CUX1: variants seen among roughly 807,000 people sequenced by gnomAD.
The protein encoded by CUX1 is cut like homeobox 1, also known as protein CASP.
Under a neutral mutation model 158.8 loss-of-function variants are expected in CUX1, and 31 were observed. That is an observed-to-expected ratio of 0.20 (90% CI 0.15 to 0.26). The LOEUF is 0.26. Ranked by LOEUF, CUX1 falls within the 10% of genes least tolerant of loss-of-function variation. The pLI is 1.00. For synonymous variants in CUX1, 879 were observed against 862.1 expected (o/e 1.02, Z -0.34); for missense variants, 1,589 against 2,014.6 (o/e 0.79, Z 4.04).
intron 23 of CUX1, 148 bp downstream of exon 23, chr7:102,239,732 G>GT: frequency 1.2e-6 from 1 of 838,438 alleles, no homozygotes; most frequent in African/African-American, 1.8e-5. Context: ...GGTCCCTTAG[G>GT]GTTTTTTTTT....
At chr7:102,244,818 C>T (rs534532804) in intron 23 of CUX1, among the ~76,000 whole-genome samples, 91 of 152,202 alleles carry the variant, frequency 6.0e-4, no homozygotes, top group Non-Finnish European at 1.1e-3. Context: ...AACTCAGATT[C>T]TGAACCCTCG....
chr7:102,011,596 G>A (rs1431643007), intron 2 of CUX1, among the ~76,000 whole-genome samples: 1 of 151,910 alleles, frequency 6.6e-6, no homozygotes, highest in East Asian at 1.9e-4. Context: ...GGCCAGGCTG[G>A]TCTTGAACTC....
intron 2 of CUX1, among the ~76,000 whole-genome samples, chr7:101,993,988 C>T (rs13229969): frequency 0.028 from 4,304 of 152,304 alleles, 84 homozygotes; most frequent in Non-Finnish European, 0.035. Context: ...ATGCTGCAGA[C>T]GTAGCACTCC....
intron 2 of CUX1, among the ~76,000 whole-genome samples, chr7:101,994,188 A>C (rs891326671): frequency 7.2e-5 from 11 of 152,186 alleles, no homozygotes; most frequent in African/African-American, 2.7e-4. Flanking sequence ...AGCTTCTGTC[A>C]TTCTCTCCCC....
chr7:101,888,089 T>C (rs542018875), intron 1 of CUX1, among the ~76,000 whole-genome samples: 2 of 152,136 alleles, frequency 1.3e-5, no homozygotes, highest in East Asian at 3.9e-4. Context: ...ATCTCAGCAC[T>C]TTGTGAGGCT....
intron 2 of CUX1, among the ~76,000 whole-genome samples, chr7:101,965,755 A>C (rs1009625421): frequency 1.4e-5 from 2 of 146,762 alleles, no homozygotes; most frequent in African/African-American, 5.0e-5. Context: ...AGGCTGAGGC[A>C]GGAGAATGGC....
chr7:102,125,958 AGCTGGAATTATAG>A (rs1343137302), intron 8 of CUX1, among the ~76,000 whole-genome samples: 1 of 151,930 alleles, frequency 6.6e-6, no homozygotes, highest in African/African-American at 2.4e-5. Context: ...CCACCCAAGT[AGCTGGAATTATAG>A]GCTGTTTCCT....
intron 2 of CUX1, among the ~76,000 whole-genome samples, chr7:101,985,858 G>C (rs1305320396): frequency 1.3e-5 from 2 of 152,232 alleles, no homozygotes; most frequent in Non-Finnish European, 2.9e-5. Context: ...TTGTTTTTCA[G>C]AGGGAGTTCC....
intron 2 of CUX1, among the ~76,000 whole-genome samples, chr7:102,010,414 A>G (rs1168308709): frequency 1.3e-5 from 2 of 151,880 alleles, no homozygotes; most frequent in Admixed American, 6.6e-5. Context: ...AAAAAAAAAA[A>G]AAACTGACTT....
Position 102,257,239 on chromosome 7 carries a change from C to A in CUX1, c.*8197C>A. On this transcript the variant is annotated 3_prime_UTR_variant, in exon 24 of 24. Coordinates refer to ENST00000292535, the MANE Select transcript of CUX1 (RefSeq NM_181552.4). ...TCCCCTTCTCCAAGATTGCCGGGGG[C>A]CCTGATTTTGTTCTCTCTTTGAAAG... The A allele has an allele frequency of 2.0e-6, 2 of 985,328 alleles. No homozygotes were observed. Among genetic ancestry groups the A allele is most frequent in the Non-Finnish European group, 2.4e-6 (2 of 829,908 alleles). The allele number at this position is 985,328 out of a possible 1,614,324, so 61.0% of individuals were successfully genotyped here. A position where few individuals can be genotyped will look rare whatever the true frequency, so the allele number is the denominator to read the frequency against.
At chr7:102,088,001 CTT>C (rs147066918) in intron 4 of CUX1, among the ~76,000 whole-genome samples, 34 of 143,822 alleles carry the variant, frequency 2.4e-4, no homozygotes, top group Admixed American at 2.8e-4. Flanking sequence ...TAATCTCACC[CTT>C]TTTTTTTTTT....
intron 21 of CUX1, among the ~76,000 whole-genome samples, chr7:102,232,952 G>T (rs753967400): frequency 2.7e-4 from 41 of 152,134 alleles, no homozygotes; most frequent in African/African-American, 3.9e-4. Flanking sequence ...CCTCTCCTCT[G>T]TCCTGCTGTG....
In CUX1 at chr7:102,250,812, G is replaced by A. The variant is rs1468292253; in HGVS notation, c.*1770G>A. The A allele has an allele frequency of 1.1e-5, 11 of 985,222 alleles. No homozygotes were observed. The highest frequency in any genetic ancestry group is 1.1e-4 in the East Asian group (1 of 8,824). 61.0% of individuals were successfully genotyped at this position (985,222 alleles called of 1,614,324 possible). Reference sequence around the variant, plus strand: ...CGTGTGCGTGTGTGCAATTTTATACGTCTGTGTATTTTCTTAAGTACCTGT... The same window carrying A: ...CGTGTGCGTGTGTGCAATTTTATACATCTGTGTATTTTCTTAAGTACCTGT... On this transcript the variant is annotated 3_prime_UTR_variant, in exon 24 of 24. Transcript: ENST00000292535.
At chr7:101,937,049 T>C (rs777157058) in intron 2 of CUX1, among the ~76,000 whole-genome samples, 1 of 152,144 alleles carries the variant, frequency 6.6e-6, no homozygotes, top group Non-Finnish European at 1.5e-5. Context: ...TGAGGCCAGT[T>C]TGGGCCCCCT....
chr7:101,857,408 C>T (rs2131325981), intron 1 of CUX1, among the ~76,000 whole-genome samples: 2 of 152,340 alleles, frequency 1.3e-5, no homozygotes, highest in South Asian at 4.1e-4. Flanking sequence ...ACAGAAAGGC[C>T]TTTCACCGCT....
intron 8 of CUX1, among the ~76,000 whole-genome samples, chr7:102,153,195 C>T (rs1306811391): frequency 1.3e-5 from 2 of 152,202 alleles, no homozygotes; most frequent in African/African-American, 2.4e-5. Context: ...AGAGAGTGTG[C>T]ACTTTCCAGG....
chr7:102,200,028 C>G, intron 16 of CUX1, 43 bp from the exon 17 acceptor site: 1 of 1,532,970 alleles, frequency 6.5e-7, no homozygotes, highest in Non-Finnish European at 8.9e-7. Context: ...GATTTTTGTC[C>G]GGGGTTTGGG....
chr7:102,229,219 G>C (rs1408681554), intron 21 of CUX1, among the ~76,000 whole-genome samples: 1 of 152,004 alleles, frequency 6.6e-6, no homozygotes, highest in South Asian at 2.1e-4. Context: ...TAGCCCCCTG[G>C]GTGCTCGGCC....
At chr7:102,204,717 T>TC (rs375685659) in intron 19 of CUX1, among the ~76,000 whole-genome samples, 161 bp downstream of exon 19, 8 of 152,344 alleles carry the variant, frequency 5.3e-5, no homozygotes, top group African/African-American at 1.7e-4. Context: ...GACAGAACCG[T>TC]CCCCTTCCTC....
Sources: gnomAD v4.1 joint callset for allele counts (sites outside exome capture counted in the v4.1 genomes callset) on GRCh38, gnomAD v4.1.1 for gene constraint, MANE v1.5 for transcripts, NCBI Gene and HGNC (gene_info 2026-07-23, HGNC 2026-07-21) for gene names.